The following PACRGL variants were observed in gnomAD, a reference collection of about 807,000 sequenced individuals.
PACRGL encodes parkin coregulated like.
Under a neutral mutation model 34.5 loss-of-function variants are expected in PACRGL, and 38 were observed. The ratio of observed to expected loss-of-function variants is 1.10; its 90% CI spans 0.85 to 1.44. The LOEUF (loss-of-function observed/expected upper bound fraction) is 1.44. Among genes scored for constraint, PACRGL ranks in the 40% most tolerant of loss-of-function variants. PACRGL has a pLI of 0.00. For synonymous variants in PACRGL, 128 were observed against 100.1 expected, an observed-to-expected ratio of 1.28 and a Z score of -1.66; for missense variants, 305 against 281.4, an observed-to-expected ratio of 1.08 and a Z score of -0.60.
chr4:20,714,157 A>G (rs2149109412), intron 7 of PACRGL, among the ~76,000 whole-genome samples: 2 of 152,178 alleles, frequency 1.3e-5, no homozygotes, highest in Non-Finnish European at 2.9e-5. Flanking sequence ...GTCACTCAGG[A>G]CTTGCTTTAT....
chr4:20,748,313 C>T lies in PACRGL; in HGVS notation c.*57-4252C>T, dbSNP rs903711454. Among the ~76,000 whole-genome samples, 8 of 152,030 alleles carry T rather than the reference C, an allele frequency of 5.3e-5. No homozygotes were observed. The South Asian group carries it at 1.7e-3, about 32-fold the overall frequency. ...TGATATACTCTGTCCAGCCTCTGCCCCACTCTCCATTGCTTCCCATCCCAT... is the reference window on the plus strand; with the variant it reads ...TGATATACTCTGTCCAGCCTCTGCCTCACTCTCCATTGCTTCCCATCCCAT... On this transcript the variant is annotated intron_variant, in intron 8 of 8. Transcript: ENST00000507634.
At chr4:20,744,295 A>G (rs560365980) in intron 8 of PACRGL, among the ~76,000 whole-genome samples, 63 of 152,352 alleles carry the variant, frequency 4.1e-4, no homozygotes, top group African/African-American at 1.4e-3. Flanking sequence ...TGCTGCTTTA[A>G]AGACACATGC....
intron 8 of PACRGL, among the ~76,000 whole-genome samples, chr4:20,750,774 T>A (rs1377726636): frequency 6.6e-6 from 1 of 152,218 alleles, no homozygotes; most frequent in African/African-American, 2.4e-5. Flanking sequence ...CCTTTTATCT[T>A]AACCTTTTTT....
chr4:20,756,222 A>G (rs1754424382), downstream of PACRGL, among the ~76,000 whole-genome samples: 2 of 151,968 alleles, frequency 1.3e-5, no homozygotes, highest in Admixed American at 6.6e-5. Flanking sequence ...AACTCTGGCC[A>G]TAATAACAGA....
In PACRGL at chr4:20,729,603, A is replaced by G. The variant is rs1194104944; in HGVS notation, c.*2262A>G. 1.6e-5 allele frequency: 2 copies of G among 125,330 alleles called. No homozygotes were observed. The highest frequency in any genetic ancestry group is 3.4e-5 in the African/African-American group (1 of 29,638). 7.8% of individuals were successfully genotyped at this position (125,330 alleles called of 1,614,324 possible). On this transcript the variant is annotated 3_prime_UTR_variant, in exon 9 of 9. Transcript: ENST00000503585. Reference sequence around the variant, plus strand: ...AATTGTTGTAATCTTGTTTCCTTAAAGTATATAAATGGAATTTAAATGGAA... The same window carrying G: ...AATTGTTGTAATCTTGTTTCCTTAAGGTATATAAATGGAATTTAAATGGAA...
chr4:20,725,933 G>A (rs1745439475), intron 8 of PACRGL, among the ~76,000 whole-genome samples: 1 of 152,010 alleles, frequency 6.6e-6, no homozygotes, highest in African/African-American at 2.4e-5. Context: ...CTAATCCCAT[G>A]TCTCCTCTGC....
intron 8 of PACRGL, among the ~76,000 whole-genome samples, chr4:20,726,219 C>A (rs1433874700): frequency 6.6e-6 from 1 of 152,006 alleles, no homozygotes; most frequent in African/African-American, 2.4e-5. Flanking sequence ...AGAAACGGCA[C>A]ATTAAGATTT....
rs972100160 is a variant in PACRGL, at chr4:20,729,352, G to A, written c.*2011G>A. The A allele has an allele frequency of 2.6e-5, 4 of 152,396 alleles. No individual in the cohort carries two copies. Among genetic ancestry groups the A allele is most frequent in the East Asian group, 3.9e-4 (2 of 5,190 alleles). 9.4% of individuals were successfully genotyped at this position (152,396 alleles called of 1,614,324 possible). ...TGATTGATACAATAGAAAACAGCCTGTAAGAAAGATTGAACAAATCCAAAA... is the reference window on the plus strand; with the variant it reads ...TGATTGATACAATAGAAAACAGCCTATAAGAAAGATTGAACAAATCCAAAA... On this transcript the variant is annotated 3_prime_UTR_variant, in exon 9 of 9. Transcript: ENST00000503585.
At position 20,730,848 on chromosome 4, in the gene PACRGL, G is replaced by C. The variant is rs1747944280; in HGVS notation, c.*3507G>C. On this transcript the variant is annotated 3_prime_UTR_variant, in exon 9 of 9. Coordinates refer to ENST00000503585, the MANE Select transcript of PACRGL (RefSeq NM_001258345.3). ...AATAGCACTTACTGAGCTGTTTATG[G>C]TAGTGGTAAATGGTGGCTGAACCAA... Among the ~76,000 whole-genome samples the C allele has an allele frequency of 1.3e-5, 2 of 152,096 alleles. No homozygotes were observed. The highest frequency in any genetic ancestry group is 4.8e-5 in the African/African-American group (2 of 41,424).
intron 7 of PACRGL, among the ~76,000 whole-genome samples, chr4:20,722,264 T>C (rs907751913): frequency 1.3e-5 from 2 of 152,240 alleles, no homozygotes; most frequent in African/African-American, 2.4e-5. Context: ...CCTGATCCCT[T>C]GCGCTTCCCG....
In PACRGL at chr4:20,729,619, T is replaced by TA. The variant is rs1560393784; in HGVS notation, c.*2278_*2279insA. 1 of 69,842 alleles carries TA rather than the reference T, an allele frequency of 1.4e-5. No homozygotes were observed. The highest frequency in any genetic ancestry group is 3.1e-5 in the Non-Finnish European group (1 of 32,752). The allele number at this position is 69,842 out of a possible 1,614,324, so 4.3% of individuals were successfully genotyped here. A position where few individuals can be genotyped will look rare whatever the true frequency, so the allele number is the denominator to read the frequency against. On this transcript the variant is annotated 3_prime_UTR_variant, in exon 9 of 9. Transcript: ENST00000503585. ...TTTCCTTAAAGTATATAAATGGAAT[T>TA]TAAATGGAATTACAGCATTCAAACA...
downstream of PACRGL, chr4:20,734,782 CAAA>C: frequency 8.7e-7 from 1 of 1,153,712 alleles, no homozygotes; most frequent in Non-Finnish European, 1.2e-6. Context: ...TTTAAAAAAA[CAAA>C]AACAAAAAAA....
At chr4:20,700,817 A>G (rs1731813628) in intron 1 of PACRGL, 30 bp downstream of exon 1, 1 of 151,854 alleles carries the variant, frequency 6.6e-6, no homozygotes, top group African/African-American at 2.4e-5. Context: ...CCTTTAAAAA[A>G]TCTCTGTTTT....
At chr4:20,743,453 G>A (rs1344526969) in intron 8 of PACRGL, among the ~76,000 whole-genome samples, 2 of 151,814 alleles carry the variant, frequency 1.3e-5, no homozygotes, top group Admixed American at 6.6e-5. Context: ...CAGAGCCCTC[G>A]GAAATAATAC....
intron 4 of PACRGL, among the ~76,000 whole-genome samples, chr4:20,708,148 G>C (rs1162582109): frequency 2.6e-5 from 4 of 152,048 alleles, no homozygotes; most frequent in Non-Finnish European, 5.9e-5. Context: ...TTAAGCATTT[G>C]CAGGCTTGGG....
chr4:20,708,843 G>A (rs369105031), intron 4 of PACRGL, among the ~76,000 whole-genome samples: 9 of 152,054 alleles, frequency 5.9e-5, no homozygotes, highest in Admixed American at 2.0e-4. Context: ...AGTTTATTGC[G>A]TGTTAGTTAT....
Position 20,724,789 on chromosome 4 carries a change from C to A in PACRGL, c.610-19C>A. On this transcript the variant is annotated intron_variant, in intron 7 of 8. Coordinates refer to ENST00000503585, the MANE Select transcript of PACRGL (RefSeq NM_001258345.3). ...TAAGTTTAAAGTCATTTCGTTTCCC[C>A]CTAATCTTACTTTAAAAGCTTTCCA... The A allele has an allele frequency of 7.1e-7, 1 of 1,413,256 alleles. No homozygotes were observed. Among genetic ancestry groups the A allele is most frequent in the Non-Finnish European group, 9.3e-7 (1 of 1,072,580 alleles). 87.5% of individuals were successfully genotyped at this position (1,413,256 alleles called of 1,614,324 possible).
chr4:20,753,966 G>C (rs1754081951), downstream of PACRGL, among the ~76,000 whole-genome samples: 1 of 151,980 alleles, frequency 6.6e-6, no homozygotes, highest in African/African-American at 2.4e-5. Context: ...GCCTAGTGTA[G>C]ACAACATAAG....
chr4:20,707,792 T>G lies in PACRGL; in HGVS notation c.208-11T>G, dbSNP rs1293206781. The G allele has an allele frequency of 6.2e-7, 1 of 1,611,906 alleles. No individual in the cohort carries two copies. The highest frequency in any genetic ancestry group is 8.5e-7 in the Non-Finnish European group (1 of 1,178,058). On this transcript the variant is annotated splice_polypyrimidine_tract_variant and intron_variant, in intron 3 of 8. Coordinates refer to ENST00000503585, the MANE Select transcript of PACRGL (RefSeq NM_001258345.3). ...TATAGGTGATAGTAATATTTTCATT[T>G]TTTATTTTAGTTTGGTGAACAGTCA...
Sources: allele counts gnomAD v4.1 joint callset (sites outside exome capture counted in the v4.1 genomes callset), GRCh38; gene constraint gnomAD v4.1.1; transcripts MANE v1.5; gene names NCBI Gene and HGNC (gene_info 2026-07-23, HGNC 2026-07-21).